Variants in SPOPL observed in about 807,000 individuals in gnomAD.
The protein encoded by SPOPL is speckle-type POZ protein-like.
A neutral mutation model predicts 53.8 loss-of-function variants in SPOPL; 23 were observed. The observed-to-expected ratio is 0.43, with a 90% confidence interval of 0.31 to 0.61. The LOEUF is 0.61. SPOPL is among the 20% of genes least tolerant of loss of function. The pLI, the probability that SPOPL is intolerant of heterozygous loss-of-function variation, is 0.12. For missense variants in SPOPL, 442 were observed against 466.9 expected, an observed-to-expected ratio of 0.95 and a Z score of 0.49; for synonymous variants, 164 against 149.7, an observed-to-expected ratio of 1.10 and a Z score of -0.70.
At chr2:138,538,840 T>C (rs1345232778) in intron 1 of SPOPL, among the ~76,000 whole-genome samples, 2 of 152,140 alleles carry the variant, frequency 1.3e-5, no homozygotes, top group Non-Finnish European at 2.9e-5. Context: ...GTTGGTGTGC[T>C]GCACCCATTA....
chr2:138,567,419 G>A (rs1411454234), intron 10 of SPOPL, among the ~76,000 whole-genome samples: 1 of 142,814 alleles, frequency 7.0e-6, no homozygotes, highest in Admixed American at 7.1e-5. Flanking sequence ...GTGTGTGTGT[G>A]TGTGTGTGTG....
chr2:138,551,729 A>G (rs1685317304), intron 4 of SPOPL, among the ~76,000 whole-genome samples: 1 of 152,054 alleles, frequency 6.6e-6, no homozygotes, highest in Non-Finnish European at 1.5e-5. Context: ...CTAAAATAAT[A>G]TATATTTTCA....
Position 138,559,356 on chromosome 2 carries a change from C to T in SPOPL, c.714+19C>T, listed in dbSNP as rs1033970068. On this transcript the variant is annotated intron_variant, in intron 7 of 10. Coordinates refer to ENST00000280098, the MANE Select transcript of SPOPL (RefSeq NM_001001664.3). ...CAAAAAGGTAAACATGGCTTAAAGGCTAATATTGAATTTATATAAACGTAA... is the reference window on the plus strand; with the variant it reads ...CAAAAAGGTAAACATGGCTTAAAGGTTAATATTGAATTTATATAAACGTAA... The T allele has an allele frequency of 5.0e-6, 8 of 1,594,406 alleles. No homozygotes were observed. Among genetic ancestry groups the T allele is most frequent in the Non-Finnish European group, 5.1e-6 (6 of 1,170,860 alleles).
chr2:138,567,045 TATC>T (rs531362100), intron 10 of SPOPL, among the ~76,000 whole-genome samples: 99 of 152,332 alleles, frequency 6.5e-4, no homozygotes, highest in African/African-American at 2.2e-3. Flanking sequence ...TATCCTTTAT[TATC>T]CAGTAAATTC....
intron 1 of SPOPL, among the ~76,000 whole-genome samples, chr2:138,513,139 A>G (rs1684363145): frequency 6.6e-6 from 1 of 152,254 alleles, no homozygotes; most frequent in African/African-American, 2.4e-5. Context: ...AAATGTTTTG[A>G]GGCCATGATG....
chr2:138,564,667 T>C lies in SPOPL; in HGVS notation c.838-41T>C, dbSNP rs151299840. 1.2e-3 allele frequency: 1,949 copies of C among 1,607,468 alleles called. 27 individuals carry two copies. In the African/African-American group the frequency reaches 0.023, roughly 19 times the overall value. On this transcript the variant is annotated intron_variant, in intron 8 of 10. Coordinates refer to ENST00000280098, the MANE Select transcript of SPOPL (RefSeq NM_001001664.3). The stretch of plus-strand genomic sequence containing the variant: ...ATGTATCATGTATTCAGGAACTTAG[T>C]TGGAGTAAATGTTTAATGGTTATGT...
chr2:138,503,367 A>G (rs941486662), intron 1 of SPOPL, among the ~76,000 whole-genome samples: 1 of 152,202 alleles, frequency 6.6e-6, no homozygotes, highest in Admixed American at 6.5e-5. Flanking sequence ...GTAATTGCAC[A>G]AGTAAATACA....
rs1684395393 is a variant in SPOPL at position 138,514,405 on chromosome 2, T to C, written c.-61+12286T>C. On this transcript the variant is annotated intron_variant, in intron 1 of 10. Transcript: ENST00000280098. ...AGCTCAGTGAGCAGAGGGGTGACTT[T>C]GAATACAATGGGAAGCAGGTTTGCC... 1.3e-5 allele frequency among the ~76,000 whole-genome samples: 2 copies of C among 152,206 alleles called. 1 individual carries two copies. The highest frequency in any genetic ancestry group is 4.1e-4 in the South Asian group (2 of 4,834).
At chr2:138,555,922 A>T (rs546751293) in intron 5 of SPOPL, among the ~76,000 whole-genome samples, 6 of 152,144 alleles carry the variant, frequency 3.9e-5, no homozygotes, top group Non-Finnish European at 8.8e-5. Context: ...TGACCTCAGG[A>T]AAGAATCTCA....
intron 1 of SPOPL, among the ~76,000 whole-genome samples, chr2:138,518,036 G>A (rs1422730593): frequency 2.1e-4 from 21 of 100,478 alleles, no homozygotes; most frequent in African/African-American, 6.4e-4. Flanking sequence ...CAACAAGAGC[G>A]AAACTGTCTC....
rs887337617 is a variant in SPOPL at position 138,570,292 on chromosome 2, C to T, written c.*1212C>T. ...ACACTAGGAACCTCCCCTCACTCCC[C>T]GTTTTTCTTCATTGTGTTTCAGTTA... is the stretch of plus-strand genomic sequence containing the variant. On this transcript the variant is annotated 3_prime_UTR_variant, in exon 11 of 11. Transcript: ENST00000280098. 1 of 152,146 alleles carries T rather than the reference C, an allele frequency of 6.6e-6. No homozygotes were observed. The highest frequency in any genetic ancestry group is 2.4e-5 in the African/African-American group (1 of 41,440). The allele number at this position is 152,146 out of a possible 1,614,324, so 9.4% of individuals were successfully genotyped here. A position where few individuals can be genotyped will look rare whatever the true frequency, so the allele number is the denominator to read the frequency against.
intron 1 of SPOPL, among the ~76,000 whole-genome samples, chr2:138,534,133 A>G (rs1467808025): frequency 6.6e-6 from 1 of 152,170 alleles, no homozygotes; most frequent in Non-Finnish European, 1.5e-5. Flanking sequence ...CCTTTGGGTG[A>G]TTAAAAATAA....
At chr2:138,562,178 T>C (rs1685564062) in intron 8 of SPOPL, among the ~76,000 whole-genome samples, 1 of 151,778 alleles carries the variant, frequency 6.6e-6, no homozygotes, top group African/African-American at 2.4e-5. Context: ...TTTTTTTTTT[T>C]CAGAAGTTGA....
intron 1 of SPOPL, among the ~76,000 whole-genome samples, chr2:138,538,951 G>C (rs1428062278): frequency 2.6e-5 from 4 of 151,776 alleles, no homozygotes; most frequent in Non-Finnish European, 5.9e-5. Flanking sequence ...TCCTGTGTTC[G>C]TGTGTTCTCA....
At chr2:138,512,579 A>G (rs1296652813) in intron 1 of SPOPL, among the ~76,000 whole-genome samples, 1 of 152,208 alleles carries the variant, frequency 6.6e-6, no homozygotes, top group East Asian at 1.9e-4. Flanking sequence ...GTTCACCTTG[A>G]GATTTAAAAT....
chr2:138,508,591 A>G (rs1426076124), intron 1 of SPOPL, among the ~76,000 whole-genome samples: 2 of 152,120 alleles, frequency 1.3e-5, no homozygotes, highest in African/African-American at 4.8e-5. Context: ...TCAGCCTCCC[A>G]AAGTGCTGGG....
At chr2:138,539,581 A>G (rs1390852448) in intron 1 of SPOPL, among the ~76,000 whole-genome samples, 1 of 133,520 alleles carries the variant, frequency 7.5e-6, no homozygotes, top group African/African-American at 2.4e-5. Flanking sequence ...TCCTTCAGCC[A>G]CTTTTTGATG....
chr2:138,524,224 G>A (rs1558865296), intron 1 of SPOPL, among the ~76,000 whole-genome samples: 1 of 152,222 alleles, frequency 6.6e-6, no homozygotes, highest in East Asian at 1.9e-4. Context: ...CACAGCCTGA[G>A]CTGTACCTTG....
chr2:138,529,816 T>C (rs543967379), intron 1 of SPOPL, among the ~76,000 whole-genome samples: 4 of 152,230 alleles, frequency 2.6e-5, no homozygotes, highest in Non-Finnish European at 5.9e-5. Flanking sequence ...ATACATAATT[T>C]TTTTAAACTT....
Sources: allele counts gnomAD v4.1 joint callset (sites outside exome capture counted in the v4.1 genomes callset), GRCh38; gene constraint gnomAD v4.1.1; transcripts MANE v1.5; gene names NCBI Gene and HGNC (gene_info 2026-07-23, HGNC 2026-07-21).